The following CDH9 variants were observed in gnomAD, a reference collection of about 807,000 sequenced individuals.
CDH9 encodes the protein cadherin-9.
CDH9 carries 28 observed loss-of-function variants against 70.9 expected under a neutral mutation model. That is an observed-to-expected ratio of 0.40 (90% CI 0.29 to 0.54). CDH9 has a LOEUF of 0.54. Ranked by LOEUF, CDH9 falls within the 20% of genes least tolerant of loss-of-function variation. CDH9 has a pLI of 0.59. For synonymous variants in CDH9, 409 were observed against 343.1 expected (o/e 1.19, Z -2.12); for missense variants, 874 against 984.4 (o/e 0.89, Z 1.50).
At chr5:26,926,066 A>T (rs977859578) in intron 2 of CDH9, among the ~76,000 whole-genome samples, 5 of 152,180 alleles carry the variant, frequency 3.3e-5, no homozygotes, top group African/African-American at 1.2e-4. Context: ...ATTCCTATTC[A>T]ACGTAGTGTT....
chr5:26,944,492 C>A (rs1459910551), intron 2 of CDH9, among the ~76,000 whole-genome samples: 1 of 151,894 alleles, frequency 6.6e-6, no homozygotes, highest in African/African-American at 2.4e-5. Context: ...TCCCCCCAAA[C>A]TTTTAAAAAC....
intron 2 of CDH9, among the ~76,000 whole-genome samples, chr5:26,983,258 G>A (rs1742432392): frequency 6.6e-6 from 1 of 152,136 alleles, no homozygotes; most frequent in Admixed American, 6.6e-5. Context: ...TGGGGACATA[G>A]AACATAGGCT....
At chr5:26,994,643 C>G (rs1305871709) in intron 1 of CDH9, among the ~76,000 whole-genome samples, 2 of 151,924 alleles carry the variant, frequency 1.3e-5, no homozygotes, top group African/African-American at 2.4e-5. Context: ...GTGCTGTCAT[C>G]AGACAGCAGA....
chr5:26,994,456 C>T (rs1006547910), intron 1 of CDH9, among the ~76,000 whole-genome samples: 6 of 152,004 alleles, frequency 3.9e-5, no homozygotes, highest in African/African-American at 1.2e-4. Context: ...AGTGGAGTCT[C>T]TAATGATGAG....
At chr5:26,988,784 T>A (rs2112092459) in intron 1 of CDH9, among the ~76,000 whole-genome samples, 1 of 152,212 alleles carries the variant, frequency 6.6e-6, no homozygotes, top group African/African-American at 2.4e-5. Context: ...AAATTACATA[T>A]TTTAAAGAGT....
intron 7 of CDH9, among the ~76,000 whole-genome samples, chr5:26,891,438 G>A (rs543867475): frequency 6.0e-4 from 91 of 152,296 alleles, no homozygotes; most frequent in Admixed American, 1.8e-3. Context: ...CAAAATTTTG[G>A]AGGCCGAGGT....
At chr5:27,026,975 T>C (rs1016378744) in intron 1 of CDH9, among the ~76,000 whole-genome samples, 1 of 151,978 alleles carries the variant, frequency 6.6e-6, no homozygotes, top group Non-Finnish European at 1.5e-5. Flanking sequence ...ACTTTACAGT[T>C]GTTAATGCAA....
chr5:26,897,644 A>T (rs1646681704), intron 7 of CDH9, among the ~76,000 whole-genome samples: 1 of 152,138 alleles, frequency 6.6e-6, no homozygotes, highest in African/African-American at 2.4e-5. Flanking sequence ...ACTTTCAATA[A>T]ACTAGGTATG....
chr5:26,978,178 T>TA (rs143139482), intron 2 of CDH9, among the ~76,000 whole-genome samples: 71,613 of 151,024 alleles, frequency 0.47, 17,754 homozygotes, highest in African/African-American at 0.52. Context: ...TAACACATAA[T>TA]AAAAAAAAGA....
intron 1 of CDH9, among the ~76,000 whole-genome samples, chr5:27,005,425 A>G (rs1286184432): frequency 6.6e-6 from 1 of 152,122 alleles, no homozygotes; most frequent in Non-Finnish European, 1.5e-5. Flanking sequence ...AAAGCTCAGT[A>G]TCACTGATCA....
intron 7 of CDH9, among the ~76,000 whole-genome samples, chr5:26,901,863 C>T (rs1198440584): frequency 6.6e-6 from 1 of 151,518 alleles, no homozygotes; most frequent in Non-Finnish European, 1.5e-5. Context: ...ATACTTTTAC[C>T]TTTCTTATTC....
At chr5:26,961,261 A>T (rs1742030098) in intron 2 of CDH9, among the ~76,000 whole-genome samples, 1 of 152,136 alleles carries the variant, frequency 6.6e-6, no homozygotes, top group Non-Finnish European at 1.5e-5. Context: ...TTTGTGAAGA[A>T]AACACTCAGA....
chr5:26,933,251 C>T (rs949696998), intron 2 of CDH9, among the ~76,000 whole-genome samples: 4 of 150,746 alleles, frequency 2.7e-5, no homozygotes, highest in African/African-American at 9.7e-5. Flanking sequence ...TGGGAGACTA[C>T]AAAAGATGAG....
intron 1 of CDH9, among the ~76,000 whole-genome samples, chr5:27,000,008 T>C (rs1403863041): frequency 6.6e-6 from 1 of 152,130 alleles, no homozygotes; most frequent in Admixed American, 6.6e-5. Flanking sequence ...ACACTAAAAG[T>C]ATGATTCATT....
intron 2 of CDH9, among the ~76,000 whole-genome samples, chr5:26,979,611 C>A (rs1742365169): frequency 6.6e-6 from 1 of 151,718 alleles, no homozygotes; most frequent in African/African-American, 2.4e-5. Context: ...AAAGAATAAA[C>A]CAACTCTGAG....
chr5:26,902,261 C>A (rs1002502748), intron 7 of CDH9, among the ~76,000 whole-genome samples: 2 of 151,810 alleles, frequency 1.3e-5, no homozygotes, highest in African/African-American at 4.8e-5. Flanking sequence ...CAAAGACAGC[C>A]AAGCTAAGAA....
At position 26,894,361 on chromosome 5, in the gene CDH9, C is replaced by G. The variant is rs952700063; in HGVS notation, c.1254-3797G>C. Among the ~76,000 whole-genome samples, 5 of 152,154 alleles carry G rather than the reference C, an allele frequency of 3.3e-5. No homozygotes were observed. In the East Asian group the frequency reaches 9.7e-4, roughly 29 times the overall value. The stretch of plus-strand genomic sequence containing the variant: ...CTAACAATTGCAACATGATAAAAAT[C>G]AAGCTTTGATACACTTGTATCTTTT... On this transcript the variant is annotated intron_variant, in intron 7 of 11. Transcript: ENST00000231021.
At chr5:27,001,727 A>G (rs1348433866) in intron 1 of CDH9, among the ~76,000 whole-genome samples, 1 of 152,094 alleles carries the variant, frequency 6.6e-6, no homozygotes, top group Non-Finnish European at 1.5e-5. Context: ...TTTTCCATCA[A>G]AATGAATCAG....
chr5:26,917,030 C>T (rs1032726321), intron 2 of CDH9, among the ~76,000 whole-genome samples: 1 of 151,872 alleles, frequency 6.6e-6, no homozygotes, highest in South Asian at 2.1e-4. Context: ...TGAATATTTA[C>T]AACAAACAGA....
Sources: allele counts gnomAD v4.1 joint callset (sites outside exome capture counted in the v4.1 genomes callset), GRCh38; gene constraint gnomAD v4.1.1; transcripts MANE v1.5; gene names NCBI Gene and HGNC (gene_info 2026-07-23, HGNC 2026-07-21).